The following PDZRN3 variants were observed in gnomAD, a reference collection of about 807,000 sequenced individuals.
PDZRN3 encodes E3 ubiquitin-protein ligase PDZRN3.
In PDZRN3, 38 loss-of-function variants were observed where a neutral mutation model predicts 85.7. The ratio of observed to expected loss-of-function variants is 0.44; its 90% CI spans 0.34 to 0.58. PDZRN3 has a LOEUF of 0.58. PDZRN3 is among the 20% of genes least tolerant of loss of function. The pLI, the probability that PDZRN3 is intolerant of heterozygous loss-of-function variation, is 0.01. For synonymous variants in PDZRN3, 759 were observed against 638.0 expected (o/e 1.19, Z -2.86); for missense variants, 1,629 against 1,506.4 (o/e 1.08, Z -1.35).
intron 3 of PDZRN3, among the ~76,000 whole-genome samples, chr3:73,534,313 T>C (rs1704727695): frequency 6.6e-6 from 1 of 152,166 alleles, no homozygotes; most frequent in Non-Finnish European, 1.5e-5. Context: ...CCACTCTTGT[T>C]TATTCTGAAG....
chr3:73,458,316 T>C (rs971511876), intron 3 of PDZRN3, among the ~76,000 whole-genome samples: 1 of 151,930 alleles, frequency 6.6e-6, no homozygotes, highest in Non-Finnish European at 1.5e-5. Flanking sequence ...CTCCCAAGTC[T>C]GATGCCAATA....
At chr3:73,458,866 C>T (rs570088202) in intron 3 of PDZRN3, among the ~76,000 whole-genome samples, 2 of 151,884 alleles carry the variant, frequency 1.3e-5, no homozygotes, top group Non-Finnish European at 1.5e-5. Context: ...GTGGCACACG[C>T]CTGTAGCCCC....
intron 3 of PDZRN3, among the ~76,000 whole-genome samples, chr3:73,568,680 G>A (rs1701992824): frequency 6.6e-6 from 1 of 152,192 alleles, no homozygotes. Context: ...GGCAGCTTGG[G>A]ACTTGCTGGC....
intron 3 of PDZRN3, among the ~76,000 whole-genome samples, chr3:73,469,274 T>C (rs935439859): frequency 3.3e-5 from 5 of 152,126 alleles, no homozygotes; most frequent in African/African-American, 1.2e-4. Flanking sequence ...GGTTTCACCA[T>C]GTTGGCCAGG....
chr3:73,574,947 G>A (rs899599010), intron 3 of PDZRN3, among the ~76,000 whole-genome samples: 6 of 152,226 alleles, frequency 3.9e-5, no homozygotes, highest in African/African-American at 1.4e-4. Flanking sequence ...ATATCTCTCA[G>A]CTCACCAAAG....
chr3:73,484,773 C>A (rs140773344), intron 3 of PDZRN3, among the ~76,000 whole-genome samples: 96 of 152,246 alleles, frequency 6.3e-4, no homozygotes, highest in Non-Finnish European at 1.3e-3. Context: ...AATTCAGAAT[C>A]TCAGGCTCCT....
chr3:73,542,081 A>C (rs1170910756), intron 3 of PDZRN3, among the ~76,000 whole-genome samples: 1 of 152,226 alleles, frequency 6.6e-6, no homozygotes, highest in Non-Finnish European at 1.5e-5. Flanking sequence ...GTTTTTCTGC[A>C]GAGGGAACTA....
intron 3 of PDZRN3, chr3:73,433,935 C>A: frequency 7.2e-7 from 1 of 1,393,886 alleles, no homozygotes; most frequent in Non-Finnish European, 9.3e-7. Flanking sequence ...CGTGCACACA[C>A]ACACACATAC....
intron 3 of PDZRN3, among the ~76,000 whole-genome samples, chr3:73,438,987 T>A (rs6549537): frequency 0.21 from 32,129 of 152,036 alleles, 6,945 homozygotes; most frequent in African/African-American, 0.56. Flanking sequence ...CAATTCCATC[T>A]CCTTCAGGGT....
intron 3 of PDZRN3, among the ~76,000 whole-genome samples, chr3:73,508,088 C>CA (rs371619619): frequency 3.8e-3 from 556 of 146,998 alleles, no homozygotes; most frequent in Non-Finnish European, 5.7e-3. Context: ...GAGACGGTCT[C>CA]AAAAAAAAAA....
intron 3 of PDZRN3, among the ~76,000 whole-genome samples, chr3:73,423,570 G>C (rs373539256): frequency 6.6e-6 from 1 of 152,178 alleles, no homozygotes; most frequent in East Asian, 1.9e-4. Context: ...TGTAAACTTA[G>C]GAAATGTGTT....
At chr3:73,451,222 A>G (rs1041474461) in intron 3 of PDZRN3, among the ~76,000 whole-genome samples, 1 of 152,168 alleles carries the variant, frequency 6.6e-6, no homozygotes, top group African/African-American at 2.4e-5. Context: ...CACAGGCAAT[A>G]TAGTAATTAA....
At chr3:73,392,511 G>A (rs1379694192) in intron 5 of PDZRN3, among the ~76,000 whole-genome samples, 3 of 152,170 alleles carry the variant, frequency 2.0e-5, no homozygotes, top group African/African-American at 7.2e-5. Context: ...TCTAAGGTCC[G>A]TGTCCTCACT....
At chr3:73,406,820 G>C (rs1415149145) in intron 3 of PDZRN3, among the ~76,000 whole-genome samples, 2 of 152,180 alleles carry the variant, frequency 1.3e-5, no homozygotes, top group Non-Finnish European at 2.9e-5. Context: ...TAGGTGAGGA[G>C]AGGATGGGGA....
At chr3:73,524,857 G>C (rs1575708712) in intron 3 of PDZRN3, among the ~76,000 whole-genome samples, 1 of 151,756 alleles carries the variant, frequency 6.6e-6, no homozygotes, top group South Asian at 2.1e-4. Flanking sequence ...TACCACAGAA[G>C]GGCAGGAGAT....
At chr3:73,585,768 T>C (rs1702268801) in intron 3 of PDZRN3, among the ~76,000 whole-genome samples, 1 of 152,234 alleles carries the variant, frequency 6.6e-6, no homozygotes, top group Non-Finnish European at 1.5e-5. Flanking sequence ...TAGTTGCTAC[T>C]GATTTTATGT....
chr3:73,612,782 A>G lies in PDZRN3; in HGVS notation c.724-4098T>C, dbSNP rs533105191. 3.3e-5 allele frequency among the ~76,000 whole-genome samples: 5 copies of G among 152,310 alleles called. No homozygotes were observed. The East Asian group carries it at 9.7e-4, about 29-fold the overall frequency. ...CAGAACCTGTGATGTTTCCTCATCCACAGAAAGGGAATGATAATGGTTCCT... is the reference window on the plus strand; with the variant it reads ...CAGAACCTGTGATGTTTCCTCATCCGCAGAAAGGGAATGATAATGGTTCCT... On this transcript the variant is annotated intron_variant, in intron 1 of 9. Transcript: ENST00000263666.
At position 73,391,084 on chromosome 3, in the gene PDZRN3, G is replaced by A; in HGVS notation, c.1287C>T (p.Asp429=). The change falls in exon 6 of 10, where the codon GAC becomes GAT. Residue 429 remains aspartate (D), a synonymous_variant. Coordinates refer to ENST00000263666, the MANE Select transcript of PDZRN3 (RefSeq NM_015009.3). ...EVDLYRMNSQ[D]KLGLTVCYRT... The stretch of plus-strand genomic sequence containing the variant: ...GGTAGCACACAGTGAGGCCCAGCTT[G>A]TCCTGGCTGTTCATTCTGTAGAGGT... The A allele has an allele frequency of 1.2e-6, 2 of 1,613,814 alleles. No individual in the cohort carries two copies. Among genetic ancestry groups the A allele is most frequent in the South Asian group, 1.1e-5 (1 of 91,056 alleles).
At chr3:73,468,430 T>A (rs1016275918) in intron 3 of PDZRN3, among the ~76,000 whole-genome samples, 1 of 152,020 alleles carries the variant, frequency 6.6e-6, no homozygotes, top group African/African-American at 2.4e-5. Context: ...ATGCCCCAAA[T>A]ACAGTCGCTT....
Sources: gnomAD v4.1 joint callset for allele counts (sites outside exome capture counted in the v4.1 genomes callset) on GRCh38, gnomAD v4.1.1 for gene constraint, MANE v1.5 for transcripts, NCBI Gene and HGNC (gene_info 2026-07-23, HGNC 2026-07-21) for gene names.